NCAM1: variants seen among roughly 807,000 people sequenced by gnomAD.
NCAM1 encodes neural cell adhesion molecule 1.
Under a neutral mutation model 109.8 loss-of-function variants are expected in NCAM1, and 14 were observed. That is an observed-to-expected ratio of 0.13 (90% confidence interval 0.08 to 0.20). The LOEUF is 0.20. NCAM1 is among the 10% of genes least tolerant of loss of function. The pLI, the probability that NCAM1 is intolerant of heterozygous loss-of-function variation, is 1.00. For synonymous variants in NCAM1, 418 were observed against 442.9 expected, an observed-to-expected ratio of 0.94 and a Z score of 0.70; for missense variants, 774 against 1,109.9, an observed-to-expected ratio of 0.70 and a Z score of 4.30.
At chr11:113,219,707 T>G (rs781966235) in intron 8 of NCAM1, among the ~76,000 whole-genome samples, 2 of 152,212 alleles carry the variant, frequency 1.3e-5, no homozygotes, top group Admixed American at 6.5e-5. Flanking sequence ...CCATAGTGAT[T>G]TGGGAGAGAC....
chr11:113,160,281 T>C (rs1334773849), intron 1 of NCAM1, among the ~76,000 whole-genome samples: 1 of 152,324 alleles, frequency 6.6e-6, no homozygotes, highest in African/African-American at 2.4e-5. Context: ...AATGCAATCA[T>C]GGAGCTAAAT....
At chr11:113,002,938 T>C (rs553433968) in intron 1 of NCAM1, among the ~76,000 whole-genome samples, 3 of 152,366 alleles carry the variant, frequency 2.0e-5, no homozygotes, top group Admixed American at 2.0e-4. Context: ...CCCACTGGTC[T>C]TAGTGAGACA....
intron 9 of NCAM1, among the ~76,000 whole-genome samples, chr11:113,230,781 C>G (rs1351289681): frequency 6.6e-6 from 1 of 152,210 alleles, no homozygotes; most frequent in Non-Finnish European, 1.5e-5. Context: ...TGAAGTTAAG[C>G]CACATGCCTA....
chr11:113,194,547 C>CATTTGGTTT (rs1943794097), intron 1 of NCAM1, among the ~76,000 whole-genome samples: 2 of 152,122 alleles, frequency 1.3e-5, no homozygotes, highest in Admixed American at 6.5e-5. Flanking sequence ...CCTTCAAGTG[C>CATTTGGTTT]ATTTGGTTTA....
intron 1 of NCAM1, among the ~76,000 whole-genome samples, chr11:113,093,439 T>G (rs1939451421): frequency 6.6e-6 from 1 of 152,216 alleles, no homozygotes; most frequent in Non-Finnish European, 1.5e-5. Context: ...TTTTTCATTT[T>G]ATTCTCAAAC....
chr11:113,171,914 A>C (rs984095863), intron 1 of NCAM1, among the ~76,000 whole-genome samples: 1 of 152,322 alleles, frequency 6.6e-6, no homozygotes, highest in South Asian at 2.1e-4. Flanking sequence ...GGCCCTATCC[A>C]GCATGACCGG....
intron 1 of NCAM1, among the ~76,000 whole-genome samples, chr11:113,168,983 T>A (rs1555105706): frequency 6.6e-6 from 1 of 151,948 alleles, no homozygotes; most frequent in Non-Finnish European, 1.5e-5. Context: ...AGGATGTAAA[T>A]GTGCTTGTGT....
intron 1 of NCAM1, among the ~76,000 whole-genome samples, chr11:113,101,998 GT>G (rs1939897652): frequency 2.0e-5 from 3 of 152,102 alleles, no homozygotes; most frequent in Non-Finnish European, 4.4e-5. Context: ...ATACTGTTAT[GT>G]TTGTTTTTAT....
At chr11:113,011,461 C>A (rs1952053359) in intron 1 of NCAM1, among the ~76,000 whole-genome samples, 1 of 146,994 alleles carries the variant, frequency 6.8e-6, no homozygotes, top group South Asian at 2.6e-4. Context: ...GATTTATAGT[C>A]CTTTGGGTAT....
chr11:113,026,642 G>T (rs1743993655), intron 1 of NCAM1, among the ~76,000 whole-genome samples: 1 of 152,148 alleles, frequency 6.6e-6, no homozygotes, highest in Admixed American at 6.5e-5. Context: ...TAAATATTTT[G>T]TATGGGAGAA....
intron 1 of NCAM1, among the ~76,000 whole-genome samples, chr11:113,182,732 G>C (rs1274889701): frequency 2.6e-5 from 4 of 152,220 alleles, no homozygotes; most frequent in Non-Finnish European, 5.9e-5. Context: ...ACTTCAGCCA[G>C]CAGTGGAGAG....
chr11:113,069,365 G>A (rs1938150922), intron 1 of NCAM1, among the ~76,000 whole-genome samples: 1 of 152,220 alleles, frequency 6.6e-6, no homozygotes. Flanking sequence ...GGAATGCCAG[G>A]ATATAAGATG....
At chr11:113,091,610 G>T (rs1555089388) in intron 1 of NCAM1, among the ~76,000 whole-genome samples, 1 of 152,194 alleles carries the variant, frequency 6.6e-6, no homozygotes, top group African/African-American at 2.4e-5. Flanking sequence ...GTCCAGGGTT[G>T]ATGCTGAGGA....
At chr11:113,257,624 G>C (rs1945866209) in intron 16 of NCAM1, among the ~76,000 whole-genome samples, 1 of 152,184 alleles carries the variant, frequency 6.6e-6, no homozygotes, top group Non-Finnish European at 1.5e-5. Flanking sequence ...GCATTAGAAA[G>C]ACACAGCTGG....
intron 1 of NCAM1, among the ~76,000 whole-genome samples, chr11:113,122,879 A>G (rs995173942): frequency 2.0e-5 from 3 of 152,238 alleles, no homozygotes; most frequent in African/African-American, 7.2e-5. Flanking sequence ...CATTCCCTCC[A>G]GCACCTGCCT....
At chr11:113,131,870 G>T (rs1334914952) in intron 1 of NCAM1, among the ~76,000 whole-genome samples, 1 of 152,214 alleles carries the variant, frequency 6.6e-6, no homozygotes, top group Non-Finnish European at 1.5e-5. Context: ...GGGAGATGAG[G>T]AAATGAAGTC....
chr11:113,237,734 C>G (rs907896618), intron 14 of NCAM1, among the ~76,000 whole-genome samples: 7 of 152,118 alleles, frequency 4.6e-5, no homozygotes, highest in Non-Finnish European at 1.0e-4. Context: ...GATGAGGCCC[C>G]CCTCTGAGTT....
chr11:113,169,629 G>GT (rs3051905), intron 1 of NCAM1, among the ~76,000 whole-genome samples: 3,295 of 139,208 alleles, frequency 0.024, 88 homozygotes, highest in Non-Finnish European at 0.028. Flanking sequence ...TTGGATGGGA[G>GT]TTTTTTTTTT....
intron 1 of NCAM1, among the ~76,000 whole-genome samples, chr11:113,181,744 C>T (rs1043091255): frequency 6.6e-5 from 10 of 152,054 alleles, no homozygotes; most frequent in Non-Finnish European, 1.5e-4. Context: ...TCTTCTCTCC[C>T]CTCTTCCGAA....
Sources: gnomAD v4.1 joint callset for allele counts (sites outside exome capture counted in the v4.1 genomes callset) on GRCh38, gnomAD v4.1.1 for gene constraint, MANE v1.5 for transcripts, NCBI Gene and HGNC (gene_info 2026-07-23, HGNC 2026-07-21) for gene names.